Variants in ANKRD17 observed in about 807,000 individuals in gnomAD.
ANKRD17 encodes ankyrin repeat domain 17.
In ANKRD17, 19 loss-of-function variants were observed where a neutral mutation model predicts 229.7. That is an observed-to-expected ratio of 0.08 (90% CI 0.06 to 0.12). The LOEUF (loss-of-function observed/expected upper bound fraction) is 0.12, where lower values mean the gene tolerates loss of function less well. ANKRD17 is among the 10% of genes least tolerant of loss of function. The pLI is 1.00. For synonymous variants in ANKRD17, 1,112 were observed against 1,146.1 expected (o/e 0.97, Z 0.60); for missense variants, 2,176 against 3,176.8 (o/e 0.68, Z 7.57).
chr4:73,085,611 G>A (rs1039851443), intron 29 of ANKRD17, among the ~76,000 whole-genome samples, 165 bp from the exon 30 acceptor site: 1 of 151,596 alleles, frequency 6.6e-6, no homozygotes, highest in African/African-American at 2.4e-5. Flanking sequence ...CACTTTGGGA[G>A]GCCAAGGTGG....
chr4:73,076,828 A>C (rs1433069295), intron 33 of ANKRD17, 112 bp downstream of exon 33: 7 of 1,294,172 alleles, frequency 5.4e-6, no homozygotes, highest in East Asian at 2.4e-5. Flanking sequence ...AGATTTCCTC[A>C]ACTGCCCATA....
chr4:73,121,817 T>G, intron 18 of ANKRD17, 58 bp from the exon 19 acceptor site: 1 of 1,502,352 alleles, frequency 6.7e-7, no homozygotes. Context: ...TACCAAAGTG[T>G]GTATTTTTAA....
In ANKRD17 at chr4:73,177,112, C is replaced by A. The variant is rs115319049; in HGVS notation, c.547+268G>T. On this transcript the variant is annotated intron_variant, in intron 2 of 33. Transcript: ENST00000358602. ...GCATTTTTGCAGGTAGGCAAATTCACAAATACATAATTCACGAATAATCAA... is the reference window on the plus strand; with the variant it reads ...GCATTTTTGCAGGTAGGCAAATTCAAAAATACATAATTCACGAATAATCAA... 9.6e-3 allele frequency among the ~76,000 whole-genome samples: 1,455 copies of A among 152,256 alleles called. 31 individuals are homozygous for A. The highest frequency in any genetic ancestry group is 0.033 in the African/African-American group (1,389 of 41,552).
intron 1 of ANKRD17, among the ~76,000 whole-genome samples, chr4:73,209,597 T>C (rs1739982428): frequency 1.3e-5 from 2 of 152,142 alleles, no homozygotes; most frequent in South Asian, 4.1e-4. Context: ...AAGAAGGATA[T>C]ACTCCCAATT....
At chr4:73,197,145 T>C (rs1001063542) in intron 1 of ANKRD17, among the ~76,000 whole-genome samples, 2 of 152,104 alleles carry the variant, frequency 1.3e-5, no homozygotes, top group African/African-American at 4.8e-5. Context: ...ATCTTGTGGG[T>C]GCACTCCCCA....
intron 18 of ANKRD17, among the ~76,000 whole-genome samples, chr4:73,124,627 T>C (rs1727198153): frequency 1.3e-5 from 2 of 152,230 alleles, no homozygotes; most frequent in African/African-American, 4.8e-5. Context: ...ATATAGGCCC[T>C]GTACATTAGG....
intron 1 of ANKRD17, among the ~76,000 whole-genome samples, chr4:73,237,344 T>C (rs980872689): frequency 6.6e-6 from 1 of 152,234 alleles, no homozygotes; most frequent in Non-Finnish European, 1.5e-5. Flanking sequence ...CAAAAGGATC[T>C]GGTGATTAAG....
At chr4:73,147,580 A>G in intron 8 of ANKRD17, 148 bp from the exon 9 acceptor site, 1 of 612,854 alleles carries the variant, frequency 1.6e-6, no homozygotes, top group Non-Finnish European at 2.4e-6. Context: ...CCTAACTCCT[A>G]AGGCAGTTAA....
chr4:73,187,138 T>A (rs576679573), intron 1 of ANKRD17, among the ~76,000 whole-genome samples: 14 of 152,298 alleles, frequency 9.2e-5, no homozygotes, highest in African/African-American at 3.1e-4. Flanking sequence ...CTAGAAGATA[T>A]CTGTGCAATT....
At chr4:73,164,304 T>C (rs1276153296) in intron 2 of ANKRD17, among the ~76,000 whole-genome samples, 1 of 152,230 alleles carries the variant, frequency 6.6e-6, no homozygotes, top group Non-Finnish European at 1.5e-5. Context: ...AATCTCACTT[T>C]AAATCTTTAT....
At chr4:73,204,241 G>A (rs1450421026) in intron 1 of ANKRD17, among the ~76,000 whole-genome samples, 1 of 150,778 alleles carries the variant, frequency 6.6e-6, no homozygotes, top group Non-Finnish European at 1.5e-5. Flanking sequence ...GGCTCCTGTA[G>A]TCCCAGCTAC....
intron 2 of ANKRD17, among the ~76,000 whole-genome samples, chr4:73,161,739 A>C (rs1302592072): frequency 6.6e-6 from 1 of 152,260 alleles, no homozygotes; most frequent in Admixed American, 6.5e-5. Flanking sequence ...TAAAGTCAAC[A>C]TAGAGGAGAA....
At chr4:73,251,486 G>C (rs924195327) in intron 1 of ANKRD17, among the ~76,000 whole-genome samples, 1 of 151,614 alleles carries the variant, frequency 6.6e-6, no homozygotes, top group African/African-American at 2.4e-5. Flanking sequence ...AAGGGTATTC[G>C]TATTTACCCA....
At chr4:73,160,872 T>A (rs1578230776) in intron 3 of ANKRD17, among the ~76,000 whole-genome samples, 1 of 152,270 alleles carries the variant, frequency 6.6e-6, no homozygotes. Flanking sequence ...TTAAAAAAAA[T>A]CTAAATAAGC....
At chr4:73,141,926 A>G in intron 13 of ANKRD17, 83 bp from the exon 14 acceptor site, 1 of 1,061,686 alleles carries the variant, frequency 9.4e-7, no homozygotes, top group Non-Finnish European at 1.3e-6. Flanking sequence ...TAAATTAGAG[A>G]TTTTTTGACA....
chr4:73,179,978 C>T (rs1735327748), intron 1 of ANKRD17, among the ~76,000 whole-genome samples: 6 of 151,828 alleles, frequency 4.0e-5, no homozygotes, highest in African/African-American at 1.4e-4. Flanking sequence ...TTTCTAATAT[C>T]TGAAATTTAT....
intron 1 of ANKRD17, among the ~76,000 whole-genome samples, chr4:73,195,546 G>A (rs1737741078): frequency 6.6e-6 from 1 of 151,690 alleles, no homozygotes; most frequent in Admixed American, 6.6e-5. Flanking sequence ...GTCTCACTCT[G>A]TCACCAGGCT....
At chr4:73,126,461 T>C (rs1424802047) in intron 16 of ANKRD17, among the ~76,000 whole-genome samples, 1 of 151,954 alleles carries the variant, frequency 6.6e-6, no homozygotes, top group African/African-American at 2.4e-5. Flanking sequence ...AAGTAGGCCT[T>C]GAAATTTAAA....
At chr4:73,113,450 A>G in intron 24 of ANKRD17, 2 of 1,163,162 alleles carry the variant, frequency 1.7e-6, no homozygotes, top group East Asian at 1.1e-4. Flanking sequence ...AATAAATTAC[A>G]AGGTCTAAAA....
Sources: gnomAD v4.1 joint callset for allele counts (sites outside exome capture counted in the v4.1 genomes callset) on GRCh38, gnomAD v4.1.1 for gene constraint, MANE v1.5 for transcripts, NCBI Gene and HGNC (gene_info 2026-07-23, HGNC 2026-07-21) for gene names.